CADPS2: variants seen among roughly 807,000 people sequenced by gnomAD.
CADPS2 encodes calcium dependent secretion activator 2, also known as calcium-dependent secretion activator 2.
Under a neutral mutation model 172.5 loss-of-function variants are expected in CADPS2, and 93 were observed. The observed-to-expected ratio is 0.54, with a 90% CI of 0.46 to 0.64. The LOEUF is 0.64. Among genes scored for constraint, CADPS2 ranks in the 30% least tolerant of loss-of-function variants. The probability of loss-of-function intolerance (pLI) is 0.00; values close to 1 mark genes in which losing one functional copy is unlikely to be tolerated. For missense variants in CADPS2, 1,420 were observed against 1,565.9 expected (o/e 0.91, Z 1.57); for synonymous variants, 546 against 555.2 (o/e 0.98, Z 0.23).
chr7:122,388,050 C>A (rs1467541758), intron 23 of CADPS2, among the ~76,000 whole-genome samples: 2 of 151,942 alleles, frequency 1.3e-5, no homozygotes, highest in Admixed American at 1.3e-4. Flanking sequence ...AAAATGAAAG[C>A]ACATTTGGAA....
Position 122,320,020 on chromosome 7 carries a change from T to A in CADPS2, c.*145A>T. 1 of 801,662 alleles carries A rather than the reference T, an allele frequency of 1.2e-6. No individual in the cohort carries two copies. Among genetic ancestry groups the A allele is most frequent in the South Asian group, 4.3e-5 (1 of 23,192 alleles). 49.7% of individuals were successfully genotyped at this position (801,662 alleles called of 1,614,324 possible). On this transcript the variant is annotated 3_prime_UTR_variant, in exon 30 of 30. Transcript: ENST00000449022. The stretch of plus-strand genomic sequence containing the variant: ...AAAATCTTGGCATTTCCCCTTTTAC[T>A]CTACATTCAGGCTTACTTTTTAAAG...
Position 122,850,279 on chromosome 7 carries a change from C to CA in CADPS2, c.339+35719dup, listed in dbSNP as rs1242850290. ...CTCCACTGGGGGCCCCAGGACTCCC[C>CA]AGCAGCCTCCTTTCAGGGGATGAAG... is the stretch of plus-strand genomic sequence containing the variant. On this transcript the variant is annotated intron_variant, in intron 1 of 29. Transcript: ENST00000449022. 12 of 687,034 alleles carry CA rather than the reference C, an allele frequency of 1.7e-5. No homozygotes were observed. In the African/African-American group the frequency reaches 2.1e-4, roughly 12 times the overall value. The allele number at this position is 687,034 out of a possible 1,614,324, so 42.6% of individuals were successfully genotyped here.
Position 122,691,037 on chromosome 7 carries a change from T to C in CADPS2, c.454-27468A>G, listed in dbSNP as rs1209112330. 2.0e-5 allele frequency among the ~76,000 whole-genome samples: 3 copies of C among 152,212 alleles called. No homozygotes were observed. In the East Asian group the frequency reaches 5.8e-4, roughly 29 times the overall value. On this transcript the variant is annotated intron_variant, in intron 2 of 29. Transcript: ENST00000449022. The stretch of plus-strand genomic sequence containing the variant: ...TTAGGACTACAGGTCCCAAGACTTC[T>C]TGTAACTCTGCTGCTAAGGGACTTG...
intron 3 of CADPS2, among the ~76,000 whole-genome samples, chr7:122,638,052 G>C (rs747161555): frequency 1.3e-5 from 2 of 152,154 alleles, no homozygotes; most frequent in Non-Finnish European, 2.9e-5. Flanking sequence ...ACGCACAGTA[G>C]TACTCTGTGG....
intron 4 of CADPS2, among the ~76,000 whole-genome samples, chr7:122,622,610 T>G (rs2075715351): frequency 6.6e-6 from 1 of 152,198 alleles, no homozygotes; most frequent in Non-Finnish European, 1.5e-5. Flanking sequence ...CATTCTTGGC[T>G]CTTTCTTTAA....
At chr7:122,448,952 T>A (rs1421402448) in intron 15 of CADPS2, among the ~76,000 whole-genome samples, 7 of 152,110 alleles carry the variant, frequency 4.6e-5, no homozygotes, top group Non-Finnish European at 8.8e-5. Flanking sequence ...AAAAATTATG[T>A]TATCTTACTA....
Position 122,699,032 on chromosome 7 carries a change from C to T in CADPS2, c.454-35463G>A, listed in dbSNP as rs2085615188. 5.9e-5 allele frequency: 42 copies of T among 707,258 alleles called. No individual in the cohort carries two copies. In the South Asian group the frequency reaches 9.2e-4, roughly 15 times the overall value. 43.8% of individuals were successfully genotyped at this position (707,258 alleles called of 1,614,324 possible). ...TCAGGATACAAACAAGATCCACTGT[C>T]TTCCAGCATGTTTTTGTAAGAAATT... On this transcript the variant is annotated intron_variant, in intron 2 of 29. Coordinates refer to ENST00000449022, the MANE Select transcript of CADPS2 (RefSeq NM_017954.11).
chr7:122,499,956 T>C (rs2059059951), intron 9 of CADPS2, among the ~76,000 whole-genome samples: 3 of 152,114 alleles, frequency 2.0e-5, no homozygotes, highest in Admixed American at 2.0e-4. Flanking sequence ...GGGAGAGAGA[T>C]GAAGGGCATG....
At chr7:122,438,042 G>T (rs555904870) in intron 17 of CADPS2, among the ~76,000 whole-genome samples, 1 of 152,040 alleles carries the variant, frequency 6.6e-6, no homozygotes, top group Non-Finnish European at 1.5e-5. Flanking sequence ...CATACTTAAA[G>T]TACTGCCAAA....
At chr7:122,584,424 C>T (rs902126800) in intron 6 of CADPS2, among the ~76,000 whole-genome samples, 3 of 151,942 alleles carry the variant, frequency 2.0e-5, no homozygotes, top group South Asian at 4.1e-4. Context: ...ATCCTTATAG[C>T]ATCTGTTATG....
chr7:122,514,378 A>ATTCTT (rs2060204953), intron 8 of CADPS2, among the ~76,000 whole-genome samples: 1 of 152,254 alleles, frequency 6.6e-6, no homozygotes, highest in Admixed American at 6.5e-5. Context: ...TAAGATTTTT[A>ATTCTT]GACTTTCACA....
intron 2 of CADPS2, among the ~76,000 whole-genome samples, chr7:122,693,406 T>A (rs1352985695): frequency 1.3e-5 from 2 of 152,114 alleles, no homozygotes; most frequent in Non-Finnish European, 2.9e-5. Flanking sequence ...TTCAGTAAAG[T>A]GAAAATAAGT....
At chr7:122,338,194 C>T (rs1344609804) in intron 28 of CADPS2, among the ~76,000 whole-genome samples, 4 of 152,068 alleles carry the variant, frequency 2.6e-5, no homozygotes, top group South Asian at 2.1e-4. Flanking sequence ...CTCAGGAGCT[C>T]GAGACCACCC....
chr7:122,467,504 G>T (rs537388500), intron 14 of CADPS2, among the ~76,000 whole-genome samples: 1 of 152,116 alleles, frequency 6.6e-6, no homozygotes, highest in Non-Finnish European at 1.5e-5. Context: ...TAACAACTTT[G>T]TGATATAATC....
At chr7:122,369,353 G>C (rs1021106897) in intron 25 of CADPS2, among the ~76,000 whole-genome samples, 1 of 151,752 alleles carries the variant, frequency 6.6e-6, no homozygotes, top group African/African-American at 2.4e-5. Flanking sequence ...GGATGGTCTC[G>C]ATCTCCTGAC....
At chr7:122,817,299 G>A (rs1801757725) in intron 1 of CADPS2, among the ~76,000 whole-genome samples, 2 of 152,132 alleles carry the variant, frequency 1.3e-5, no homozygotes, top group African/African-American at 2.4e-5. Flanking sequence ...ACCAGCCCAA[G>A]GAACATCTCA....
At chr7:122,739,439 G>A (rs1027400045) in intron 1 of CADPS2, among the ~76,000 whole-genome samples, 3 of 151,844 alleles carry the variant, frequency 2.0e-5, no homozygotes, top group East Asian at 1.9e-4. Flanking sequence ...TTTAAGTTCC[G>A]CTATTATAAC....
chr7:122,679,177 A>G (rs1382509963), intron 2 of CADPS2, among the ~76,000 whole-genome samples: 1 of 150,146 alleles, frequency 6.7e-6, no homozygotes, highest in African/African-American at 2.4e-5. Flanking sequence ...TTCTCTTATT[A>G]CCGAAAACAG....
At chr7:122,802,253 T>C (rs1238836164) in intron 1 of CADPS2, among the ~76,000 whole-genome samples, 1 of 152,170 alleles carries the variant, frequency 6.6e-6, no homozygotes, top group East Asian at 1.9e-4. Context: ...TCTTAAAAAC[T>C]GACATGCATT....
Sources: gnomAD v4.1 joint callset for allele counts (sites outside exome capture counted in the v4.1 genomes callset) on GRCh38, gnomAD v4.1.1 for gene constraint, MANE v1.5 for transcripts, NCBI Gene and HGNC (gene_info 2026-07-23, HGNC 2026-07-21) for gene names.